SUSD5: variants seen among roughly 807,000 people sequenced by gnomAD.
SUSD5 encodes the protein sushi domain-containing protein 5.
Under a neutral mutation model 29.5 loss-of-function variants are expected in SUSD5, and 33 were observed. The ratio of observed to expected loss-of-function variants is 1.12; its 90% CI spans 0.85 to 1.49. The LOEUF (loss-of-function observed/expected upper bound fraction) is 1.49, where lower values mean the gene tolerates loss of function less well. Ranked by LOEUF, SUSD5 falls within the 40% of genes most tolerant of loss-of-function variation. The probability of loss-of-function intolerance (pLI) is 0.00; values close to 1 mark genes in which losing one functional copy is unlikely to be tolerated. For missense variants in SUSD5, 776 were observed against 800.6 expected (o/e 0.97, Z 0.37); for synonymous variants, 308 against 325.3 (o/e 0.95, Z 0.57).
At chr3:33,158,842 G>A (rs2031113236) in intron 4 of SUSD5, among the ~76,000 whole-genome samples, 1 of 152,032 alleles carries the variant, frequency 6.6e-6, no homozygotes, top group African/African-American at 2.4e-5. Context: ...GAAAGCATAG[G>A]CCATCACTTC....
chr3:33,177,321 T>C (rs966121593), intron 3 of SUSD5, among the ~76,000 whole-genome samples: 2 of 152,234 alleles, frequency 1.3e-5, no homozygotes, highest in Non-Finnish European at 2.9e-5. Context: ...TGGGAAAAAC[T>C]GACATCTTCA....
chr3:33,167,493 A>G lies in SUSD5; in HGVS notation c.598+7393T>C, dbSNP rs923515418. The stretch of plus-strand genomic sequence containing the variant: ...TGTGTGTGTCTCTGTATGGGTGTCT[A>G]AGGTTCTGCCTCCAGAGCTCCCTGA... On this transcript the variant is annotated intron_variant, in intron 4 of 4. Transcript: ENST00000309558. This position sits in a 1 kb window ranked among gnomAD's most constrained non-coding sequence, Gnocchi z 4.1. 1.3e-5 allele frequency among the ~76,000 whole-genome samples: 2 copies of G among 151,812 alleles called. No individual in the cohort carries two copies. Among genetic ancestry groups the G allele is most frequent in the African/African-American group, 4.8e-5 (2 of 41,338 alleles).
intron 3 of SUSD5, among the ~76,000 whole-genome samples, chr3:33,194,348 T>C (rs1479546366): frequency 6.6e-6 from 1 of 152,164 alleles, no homozygotes; most frequent in East Asian, 1.9e-4. Context: ...TCTTTCTCTA[T>C]TGCAATTCCT....
chr3:33,215,338 C>T (rs2032408944), intron 1 of SUSD5, among the ~76,000 whole-genome samples: 1 of 152,038 alleles, frequency 6.6e-6, no homozygotes, highest in Non-Finnish European at 1.5e-5. Flanking sequence ...TCATTTTAGG[C>T]ACACACAGAA....
Position 33,179,450 on chromosome 3 carries a change from G to A in SUSD5, c.410-4376C>T, listed in dbSNP as rs538850898. Among the ~76,000 whole-genome samples, 6 of 152,256 alleles carry A rather than the reference G, an allele frequency of 3.9e-5. No individual in the cohort carries two copies. In the South Asian group the frequency reaches 8.3e-4, roughly 21 times the overall value. On this transcript the variant is annotated intron_variant, in intron 3 of 4. Transcript: ENST00000309558. Reference sequence around the variant, plus strand: ...ATCTAATGGTAATATACTAAAGGGGGAAACCCAGCAAGGTTTGTTTGTTGA... The same window carrying A: ...ATCTAATGGTAATATACTAAAGGGGAAAACCCAGCAAGGTTTGTTTGTTGA...
intron 3 of SUSD5, among the ~76,000 whole-genome samples, chr3:33,199,214 TCACACACACACACACA>T (rs35522769): frequency 2.7e-5 from 4 of 147,994 alleles, no homozygotes; most frequent in East Asian, 2.0e-4. Context: ...GGGGAGAATT[TCACACACACACACACA>T]CACACACACA....
At position 33,152,473 on chromosome 3, in the gene SUSD5, C is replaced by A; in HGVS notation, c.*269G>T. The A allele has an allele frequency of 2.4e-6, 1 of 419,680 alleles. No homozygotes were observed. The allele number at this position is 419,680 out of a possible 1,614,324, so 26.0% of individuals were successfully genotyped here. ...GGAAGAGGCGATTTTTGACCTCACA[C>A]TGGAAACAGGGCCCAAGCACAGGTC... On this transcript the variant is annotated 3_prime_UTR_variant, in exon 5 of 5. Coordinates refer to ENST00000309558, the MANE Select transcript of SUSD5 (RefSeq NM_015551.2).
chr3:33,201,998 G>A (rs985964547), intron 3 of SUSD5, among the ~76,000 whole-genome samples: 2 of 151,898 alleles, frequency 1.3e-5, no homozygotes, highest in East Asian at 1.9e-4. Flanking sequence ...GTGATACACC[G>A]TTAACTCCTT....
intron 4 of SUSD5, among the ~76,000 whole-genome samples, chr3:33,159,704 C>CGT (rs2031135674): frequency 9.6e-6 from 1 of 104,052 alleles, no homozygotes; most frequent in Admixed American, 1.1e-4. Flanking sequence ...CAAACACACC[C>CGT]ATACACACAC....
chr3:33,209,668 T>G (rs1290800993), intron 2 of SUSD5, among the ~76,000 whole-genome samples: 1 of 151,632 alleles, frequency 6.6e-6, no homozygotes, highest in Admixed American at 6.6e-5. Context: ...TTCTTTTTTT[T>G]TCTTTTCTTT....
chr3:33,160,239 T>C (rs976767850), intron 4 of SUSD5, among the ~76,000 whole-genome samples: 4 of 152,100 alleles, frequency 2.6e-5, no homozygotes, highest in African/African-American at 7.2e-5. Flanking sequence ...TCTCCCACAG[T>C]GCTGAGATTA....
At chr3:33,154,178 A>C in intron 4 of SUSD5, 145 bp from the exon 5 acceptor site, 1 of 695,778 alleles carries the variant, frequency 1.4e-6, no homozygotes, top group Non-Finnish European at 2.3e-6. Flanking sequence ...TGTGTATCAT[A>C]GATAAACCCA....
intron 4 of SUSD5, among the ~76,000 whole-genome samples, chr3:33,168,897 G>A (rs2031362751): frequency 1.3e-5 from 2 of 152,306 alleles, no homozygotes; most frequent in South Asian, 4.1e-4. Context: ...TAATTGGCTC[G>A]CTTTGGCCTC....
chr3:33,174,234 A>G (rs2031495446), intron 4 of SUSD5, among the ~76,000 whole-genome samples: 3 of 152,152 alleles, frequency 2.0e-5, no homozygotes, highest in African/African-American at 7.2e-5. Context: ...GCAGTTCCAT[A>G]CAGCCGTCCT....
intron 4 of SUSD5, among the ~76,000 whole-genome samples, chr3:33,160,407 A>G (rs1290396202): frequency 5.9e-5 from 9 of 151,946 alleles, no homozygotes; most frequent in Non-Finnish European, 1.3e-4. Context: ...AAAAAAAAAA[A>G]AATTGGGTGT....
intron 3 of SUSD5, among the ~76,000 whole-genome samples, chr3:33,180,297 C>A (rs950225912): frequency 2.4e-4 from 36 of 152,104 alleles, no homozygotes; most frequent in Admixed American, 5.9e-4. Context: ...TGATCCTAAC[C>A]CTGTGTAAGC....
chr3:33,211,473 G>C (rs2032323207), intron 2 of SUSD5, among the ~76,000 whole-genome samples: 1 of 152,206 alleles, frequency 6.6e-6, no homozygotes, highest in Non-Finnish European at 1.5e-5. Flanking sequence ...CTATTCAAGA[G>C]CATAGATATA....
intron 4 of SUSD5, among the ~76,000 whole-genome samples, chr3:33,162,446 A>G (rs2031210041): frequency 1.3e-5 from 2 of 152,332 alleles, no homozygotes; most frequent in South Asian, 4.1e-4. Flanking sequence ...AAGAGGAGAA[A>G]TAAATAAAAA....
intron 3 of SUSD5, among the ~76,000 whole-genome samples, chr3:33,205,989 A>G (rs1209517838): frequency 6.6e-6 from 1 of 152,216 alleles, no homozygotes; most frequent in East Asian, 1.9e-4. Context: ...TTTCTTTGAT[A>G]CTACTGACGA....
Sources: gnomAD v4.1 joint callset for allele counts (sites outside exome capture counted in the v4.1 genomes callset) on GRCh38, gnomAD v4.1.1 for gene constraint, Gnocchi (gnomAD v3.1) non-coding constraint, MANE v1.5 for transcripts, NCBI Gene and HGNC (gene_info 2026-07-23, HGNC 2026-07-21) for gene names.